Variants in PRSS23 observed in about 807,000 individuals in gnomAD.
PRSS23 encodes serine protease 23, also known as protease, serine 23.
Under a neutral mutation model 34.7 loss-of-function variants are expected in PRSS23, and 25 were observed. The ratio of observed to expected loss-of-function variants is 0.72; its 90% CI spans 0.53 to 1.01. PRSS23 has a LOEUF of 1.01. Ranked by LOEUF, PRSS23 falls within the 50% of genes least tolerant of loss-of-function variation. PRSS23 has a pLI of 0.00. For synonymous variants in PRSS23, 176 were observed against 186.6 expected (o/e 0.94, Z 0.46); for missense variants, 445 against 475.6 (o/e 0.94, Z 0.60).
In PRSS23 at chr11:86,937,270, T is replaced by A. The variant is rs566562112; in HGVS notation, c.207-13946T>A. Reference sequence around the variant, plus strand: ...TCTCCCCAGAAAAAAGACAGGTGTATGTAAAATATTCTTGCATTCAATTGT... The same window carrying A: ...TCTCCCCAGAAAAAAGACAGGTGTAAGTAAAATATTCTTGCATTCAATTGT... On this transcript the variant is annotated intron_variant, in intron 2 of 2. Transcript: ENST00000533902. 8 of 152,348 alleles carry A rather than the reference T, an allele frequency of 5.3e-5. 1 individual carries two copies. The South Asian group carries it at 1.7e-3, about 32-fold the overall frequency. 9.4% of individuals were successfully genotyped at this position (152,348 alleles called of 1,614,324 possible).
At chr11:86,803,328 A>G (rs1212626576) in intron 1 of PRSS23, among the ~76,000 whole-genome samples, 1 of 152,226 alleles carries the variant, frequency 6.6e-6, no homozygotes, top group Non-Finnish European at 1.5e-5. Flanking sequence ...ATTTAAAATC[A>G]TGTAACTCAT....
intron 2 of PRSS23, among the ~76,000 whole-genome samples, chr11:86,856,883 A>C (rs966579579): frequency 2.6e-5 from 4 of 152,244 alleles, no homozygotes; most frequent in Admixed American, 2.6e-4. Context: ...AAAGGATCCC[A>C]GAATACTCAC....
chr11:86,952,051 G>T, exon 3 of PRSS23: 1 of 1,614,044 alleles, frequency 6.2e-7, no homozygotes, highest in Non-Finnish European at 8.5e-7. Flanking sequence ...GTACTGTGAA[G>T]GCAGTGGAGA....
chr11:86,873,298 T>C (rs185719843), intron 2 of PRSS23, among the ~76,000 whole-genome samples: 1 of 144,610 alleles, frequency 6.9e-6, no homozygotes, highest in African/African-American at 2.6e-5. Context: ...ATATATATAT[T>C]TTTTTTCTTT....
intron 2 of PRSS23, among the ~76,000 whole-genome samples, chr11:86,856,401 T>G (rs191181548): frequency 6.6e-5 from 10 of 151,618 alleles, no homozygotes; most frequent in Admixed American, 5.9e-4. Context: ...CCAGGCCTCA[T>G]CATGTCTAAG....
rs1166978703 is a variant in PRSS23, at chr11:86,940,579, G to GAC, written c.207-10635_207-10634dup. 7.9e-5 allele frequency among the ~76,000 whole-genome samples: 12 copies of GAC among 152,210 alleles called. No individual in the cohort carries two copies. In the East Asian group the frequency reaches 2.3e-3, roughly 29 times the overall value. On this transcript the variant is annotated intron_variant, in intron 2 of 2. Transcript: ENST00000533902. ...CAAGCTATGTAAAAACACCAACAGGGACATGAACCTTCCTTGCTTTCAAAC... is the reference window on the plus strand; with the variant it reads ...CAAGCTATGTAAAAACACCAACAGGGACACATGAACCTTCCTTGCTTTCAAAC...
At chr11:86,900,781 C>CTCTCTCTCT (rs775258446) in intron 2 of PRSS23, among the ~76,000 whole-genome samples, 1 of 94,020 alleles carries the variant, frequency 1.1e-5, no homozygotes, top group African/African-American at 4.5e-5. Flanking sequence ...ATCTCTCTCT[C>CTCTCTCTCT]TTTTTTTTTT....
intron 2 of PRSS23, chr11:86,936,717 A>C (rs368787404): frequency 6.6e-6 from 1 of 152,076 alleles, no homozygotes; most frequent in African/African-American, 2.4e-5. Flanking sequence ...CAGCCTGGGA[A>C]ACAGAGACCC....
At chr11:86,879,805 C>T (rs1314392682) in intron 2 of PRSS23, among the ~76,000 whole-genome samples, 2 of 108,450 alleles carry the variant, frequency 1.8e-5, no homozygotes, top group African/African-American at 3.6e-5. Context: ...CCAGCCGCCC[C>T]GTCCGGGAGG....
intron 2 of PRSS23, among the ~76,000 whole-genome samples, chr11:86,941,910 C>T (rs1360890379): frequency 6.6e-6 from 1 of 152,134 alleles, no homozygotes; most frequent in Non-Finnish European, 1.5e-5. Flanking sequence ...AAGGTTAAAA[C>T]CCTCCCTTCC....
intron 1 of PRSS23, chr11:86,821,841 C>A: frequency 2.0e-6 from 1 of 497,930 alleles, no homozygotes; most frequent in East Asian, 3.2e-5. Flanking sequence ...GGCCTATTGG[C>A]TCGATTTAAT....
intron 1 of PRSS23, among the ~76,000 whole-genome samples, chr11:86,793,498 G>C (rs1947963977): frequency 6.6e-6 from 1 of 152,208 alleles, no homozygotes; most frequent in Admixed American, 6.5e-5. Flanking sequence ...GCCATAGCGT[G>C]AGTAGTGAAA....
intron 2 of PRSS23, among the ~76,000 whole-genome samples, chr11:86,945,432 G>T (rs1326104098): frequency 2.6e-5 from 4 of 151,738 alleles, no homozygotes; most frequent in African/African-American, 9.7e-5. Context: ...AAAGCATCAT[G>T]TGACCTACTT....
rs762056507 is a variant in PRSS23, at chr11:86,807,856, G to A, written c.213G>A (p.Lys71=). Residue 71 remains lysine (K), a synonymous_variant, in exon 2 of 2, where the codon AAG becomes AAA. Transcript: ENST00000280258. ...CTTCATGTGGACCCCAGTGTCATAA[G>A]GGAACTCCACTGCCCACTTACGAAG... The part of the protein sequence containing the change: ...VSSSCGPQCH[K]GTPLPTYEEA... 2.5e-6 allele frequency: 4 copies of A among 1,614,096 alleles called. No homozygotes were observed. In the South Asian group the frequency reaches 4.4e-5, roughly 18 times the overall value.
At chr11:86,866,951 A>T (rs554013079) in intron 2 of PRSS23, among the ~76,000 whole-genome samples, 1 of 152,328 alleles carries the variant, frequency 6.6e-6, no homozygotes, top group Admixed American at 6.5e-5. Context: ...CAGCCATCAG[A>T]ATCATGAGCC....
At chr11:86,939,399 A>AT (rs1949187074) in intron 2 of PRSS23, among the ~76,000 whole-genome samples, 11 of 49,582 alleles carry the variant, frequency 2.2e-4, no homozygotes, top group African/African-American at 4.8e-4. Flanking sequence ...CAGTTAAAAA[A>AT]AAAAATATAT....
At chr11:86,884,883 T>C (rs1202748907) in intron 2 of PRSS23, among the ~76,000 whole-genome samples, 1 of 152,194 alleles carries the variant, frequency 6.6e-6, no homozygotes, top group Admixed American at 6.5e-5. Context: ...ATCCCTAAAA[T>C]TGACATCTTT....
chr11:86,825,784 T>G (rs1948295294), intron 2 of PRSS23, among the ~76,000 whole-genome samples: 1 of 150,688 alleles, frequency 6.6e-6, no homozygotes, highest in South Asian at 2.1e-4. Flanking sequence ...AAAGATCAGA[T>G]AGTTGTAGAT....
chr11:86,811,044 T>G lies in PRSS23; in HGVS notation c.*2249T>G, dbSNP rs1948173068. On this transcript the variant is annotated 3_prime_UTR_variant, in exon 2 of 2. Coordinates refer to ENST00000280258, the MANE Select transcript of PRSS23 (RefSeq NM_007173.6). ...CCAAAGTGTGCTCCTTAAACACTCA[T>G]GCCTTATGATTTTCTACCAAAAGTA... 6.0e-6 allele frequency: 1 copy of G among 166,904 alleles called. No homozygotes were observed. Among genetic ancestry groups the G allele is most frequent in the East Asian group, 1.9e-4 (1 of 5,208 alleles). 10.3% of individuals were successfully genotyped at this position (166,904 alleles called of 1,614,324 possible).
Sources: gnomAD v4.1 joint callset for allele counts (sites outside exome capture counted in the v4.1 genomes callset) on GRCh38, gnomAD v4.1.1 for gene constraint, MANE v1.5 for transcripts, NCBI Gene and HGNC (gene_info 2026-07-23, HGNC 2026-07-21) for gene names.